Variants in ZBBX observed in about 807,000 individuals in gnomAD.
The protein encoded by ZBBX is zinc finger B-box domain containing.
In ZBBX, 101 loss-of-function variants were observed where a neutral mutation model predicts 108.5. That is an observed-to-expected ratio of 0.93 (90% CI 0.79 to 1.10). The LOEUF is 1.10. Ranked by LOEUF, ZBBX falls within the 50% of genes least tolerant of loss-of-function variation. The pLI is 0.00. For missense variants in ZBBX, 1,009 were observed against 941.4 expected (o/e 1.07, Z -0.94); for synonymous variants, 356 against 323.4 (o/e 1.10, Z -1.08).
chr3:167,189,502 C>T, the ZBBX span, among the ~76,000 whole-genome samples: 1 of 152,172 alleles, frequency 6.6e-6, no homozygotes, highest in African/African-American at 2.4e-5. Flanking sequence ...CACAAACACA[C>T]ACATACACAC....
intron 2 of ZBBX, among the ~76,000 whole-genome samples, chr3:167,374,064 T>C (rs1228056758): frequency 2.0e-5 from 3 of 152,096 alleles, no homozygotes; most frequent in Non-Finnish European, 4.4e-5. Flanking sequence ...TTGTTCTATC[T>C]AAAAATAATA....
intron 1 of ZBBX, among the ~76,000 whole-genome samples, chr3:167,399,759 G>C (rs1748361144): frequency 6.6e-6 from 1 of 152,054 alleles, no homozygotes; most frequent in Non-Finnish European, 1.5e-5. Context: ...TTTGTTACAA[G>C]GGTATATTGC....
intron 20 of ZBBX, among the ~76,000 whole-genome samples, chr3:167,257,179 C>A (rs369174763): frequency 2.6e-5 from 4 of 152,178 alleles, no homozygotes; most frequent in East Asian, 3.9e-4. Context: ...GTGGCTATTA[C>A]AAATGGAATT....
At chr3:167,406,363 C>T (rs1003255768) in intron 1 of ZBBX, among the ~76,000 whole-genome samples, 1 of 152,172 alleles carries the variant, frequency 6.6e-6, no homozygotes, top group Admixed American at 6.5e-5. Flanking sequence ...CCCCAGGGAA[C>T]TTATGAGATT....
chr3:167,317,649 T>C, intron 12 of ZBBX, 52 bp from the exon 13 acceptor site: 1 of 1,208,610 alleles, frequency 8.3e-7, no homozygotes. Context: ...TACCTGAAAC[T>C]TTCCCAGACA....
intron 1 of ZBBX, among the ~76,000 whole-genome samples, chr3:167,405,151 T>G (rs1748545527): frequency 6.6e-6 from 1 of 152,164 alleles, no homozygotes; most frequent in Non-Finnish European, 1.5e-5. Flanking sequence ...ACTTTTGAAA[T>G]GTCTGTGAGA....
Position 167,317,497 on chromosome 3 carries a change from C to T in ZBBX, c.1084G>A (p.Asp362Asn). 1 of 1,606,584 alleles carries T rather than the reference C, an allele frequency of 6.2e-7. No individual in the cohort carries two copies. Among genetic ancestry groups the T allele is most frequent in the Non-Finnish European group, 8.5e-7 (1 of 1,175,716 alleles). The change falls in exon 13 of 22, where the codon GAT becomes AAT. Residue 362 changes from aspartate to asparagine, a missense_variant. By Grantham distance (23) the Asp-to-Asn change is conservative (BLOSUM62 1). Transcript: ENST00000675490. ...AQCSQNENDE[D>N]SDGEETKVQH... The stretch of plus-strand genomic sequence containing the variant: ...TCAAGTATGAACTAACCATCACTAT[C>T]TTCATCGTTTTCATTTTGAGAACAC...
chr3:167,370,488 G>T (rs1415653313), intron 4 of ZBBX, among the ~76,000 whole-genome samples: 1 of 152,136 alleles, frequency 6.6e-6, no homozygotes, highest in Non-Finnish European at 1.5e-5. Context: ...TTCACAAACT[G>T]CTTACAGGAG....
chr3:167,367,970 A>G (rs528121909), intron 5 of ZBBX, among the ~76,000 whole-genome samples: 302 of 17,436 alleles, frequency 0.017, no homozygotes, highest in African/African-American at 0.036. Flanking sequence ...ATATATATGT[A>G]TATATATATA....
At chr3:167,350,681 C>A (rs1328017431) in intron 8 of ZBBX, among the ~76,000 whole-genome samples, 166 bp from the exon 9 acceptor site, 1 of 151,530 alleles carries the variant, frequency 6.6e-6, no homozygotes, top group Admixed American at 6.6e-5. Context: ...AGTCCCTTAA[C>A]TGGGACTAGT....
intron 20 of ZBBX, among the ~76,000 whole-genome samples, chr3:167,271,384 C>T (rs765126846): frequency 5.3e-5 from 8 of 152,172 alleles, no homozygotes; most frequent in Non-Finnish European, 1.2e-4. Context: ...AGCAGGCTGC[C>T]GTTTCATCTG....
intron 20 of ZBBX, among the ~76,000 whole-genome samples, chr3:167,253,245 T>C (rs1722915445): frequency 6.6e-6 from 1 of 152,096 alleles, no homozygotes; most frequent in African/African-American, 2.4e-5. Context: ...ACACAGTGTG[T>C]GCCCAACACA....
chr3:167,349,775 A>G (rs1160743854), intron 9 of ZBBX, among the ~76,000 whole-genome samples: 1 of 152,222 alleles, frequency 6.6e-6, no homozygotes, highest in African/African-American at 2.4e-5. Context: ...TGAATAAATT[A>G]CTATAAAATG....
At chr3:167,267,131 T>C (rs893825219) in intron 20 of ZBBX, among the ~76,000 whole-genome samples, 1 of 152,158 alleles carries the variant, frequency 6.6e-6, no homozygotes, top group Non-Finnish European at 1.5e-5. Context: ...CTGTGCAGAG[T>C]AAGTCCAATC....
chr3:167,193,485 T>C, the ZBBX span, among the ~76,000 whole-genome samples: 1 of 152,186 alleles, frequency 6.6e-6, no homozygotes, highest in Non-Finnish European at 1.5e-5. Context: ...GTGGTATTTG[T>C]CCATCTATGT....
At chr3:167,399,237 T>C (rs765820614) in intron 1 of ZBBX, among the ~76,000 whole-genome samples, 1 of 152,136 alleles carries the variant, frequency 6.6e-6, no homozygotes, top group Non-Finnish European at 1.5e-5. Flanking sequence ...ACAACTCCCA[T>C]TTATAGAGTA....
At chr3:167,296,094 C>T (rs774945236) in intron 18 of ZBBX, among the ~76,000 whole-genome samples, 9 of 151,578 alleles carry the variant, frequency 5.9e-5, no homozygotes, top group African/African-American at 1.7e-4. Context: ...AAGGATGGTT[C>T]GGCATATGAA....
At chr3:167,310,398 T>A (rs759720871) in intron 16 of ZBBX, among the ~76,000 whole-genome samples, 1 of 152,160 alleles carries the variant, frequency 6.6e-6, no homozygotes, top group Non-Finnish European at 1.5e-5. Flanking sequence ...ACAGCACTAC[T>A]TCACTTTTCT....
At chr3:167,383,123 C>T (rs1024413566), upstream of ZBBX, among the ~76,000 whole-genome samples, 11 of 151,990 alleles carry the variant, frequency 7.2e-5, no homozygotes, top group African/African-American at 1.2e-4. Flanking sequence ...TAATACCAAA[C>T]CTTTGGAAGA....
Sources: gnomAD v4.1 joint callset for allele counts (sites outside exome capture counted in the v4.1 genomes callset) on GRCh38, gnomAD v4.1.1 for gene constraint, MANE v1.5 for transcripts, NCBI Gene and HGNC (gene_info 2026-07-23, HGNC 2026-07-21) for gene names.